PDYN: variants seen among roughly 807,000 people sequenced by gnomAD.
The protein encoded by PDYN is proenkephalin-B.
In PDYN, 5 loss-of-function variants were observed where a neutral mutation model predicts 11.4. The observed-to-expected ratio is 0.44, with a 90% CI of 0.23 to 0.92. The LOEUF is 0.92. PDYN is among the 40% of genes least tolerant of loss of function. The pLI is 0.24. For synonymous variants in PDYN, 132 were observed against 129.5 expected, an observed-to-expected ratio of 1.02 and a Z score of -0.13; for missense variants, 337 against 317.3, an observed-to-expected ratio of 1.06 and a Z score of -0.47.
chr20:1,981,734 G>A (rs1208287771), intron 3 of PDYN, among the ~76,000 whole-genome samples: 2 of 151,392 alleles, frequency 1.3e-5, no homozygotes, highest in African/African-American at 2.4e-5. Flanking sequence ...GAGACCAGCC[G>A]GGCAGACATG....
At chr20:1,992,822 A>C (rs1988509928) in intron 1 of PDYN, among the ~76,000 whole-genome samples, 179 bp from the exon 2 acceptor site, 1 of 152,184 alleles carries the variant, frequency 6.6e-6, no homozygotes, top group African/African-American at 2.4e-5. Context: ...TCAAATTAGA[A>C]AGGCAAGCCT....
upstream of PDYN, chr20:1,994,198 G>A (rs901934640): frequency 6.5e-6 from 1 of 153,800 alleles, no homozygotes; most frequent in African/African-American, 2.4e-5. Flanking sequence ...CCTTCAACTC[G>A]AACTCCCTGG....
At position 1,980,245 on chromosome 20, in the gene PDYN, T is replaced by C. The variant is rs537887207; in HGVS notation, c.*78A>G. The C allele has an allele frequency of 1.3e-5, 18 of 1,392,720 alleles. No individual in the cohort carries two copies. The African/African-American group carries it at 2.1e-4, about 16-fold the overall frequency. The allele number at this position is 1,392,720 out of a possible 1,614,324, so 86.3% of individuals were successfully genotyped here. A position where few individuals can be genotyped will look rare whatever the true frequency, so the allele number is the denominator to read the frequency against. On this transcript the variant is annotated 3_prime_UTR_variant, in exon 4 of 4. Coordinates refer to ENST00000217305, the MANE Select transcript of PDYN (RefSeq NM_024411.5). Reference sequence around the variant, plus strand: ...GCTGAGCATGGGGAAGGGGCACATATAAGAGGATGAATGAATGCACTCCAA... The same window carrying C: ...GCTGAGCATGGGGAAGGGGCACATACAAGAGGATGAATGAATGCACTCCAA...
intron 2 of PDYN, among the ~76,000 whole-genome samples, chr20:1,988,673 C>A (rs762250706): frequency 6.6e-6 from 1 of 152,204 alleles, no homozygotes; most frequent in Non-Finnish European, 1.5e-5. Flanking sequence ...CCGGAGGCCA[C>A]ACAAGGAAAA....
Position 1,982,969 on chromosome 20 carries a change from G to C in PDYN, c.116C>G (p.Pro39Arg), listed in dbSNP as rs1218502882. 1 of 1,613,932 alleles carries C rather than the reference G, an allele frequency of 6.2e-7. No individual in the cohort carries two copies. The highest frequency in any genetic ancestry group is 1.3e-5 in the African/African-American group (1 of 75,050). ...CAVKTQDGPK[P>R]INPLICSLQC... ...CCTGAAACCTACCAGGGGATTGATA[G>C]GTTTGGGACCATCCTGGGTCTTTAC... Residue 39 changes from proline (P) to arginine (R), a missense_variant, in exon 3 of 4, where the codon CCT (proline) becomes CGT (arginine). By Grantham distance (103) the Pro-to-Arg change is moderately radical. Coordinates refer to ENST00000217305, the MANE Select transcript of PDYN (RefSeq NM_024411.5).
chr20:1,990,623 A>C (rs1988391069), intron 2 of PDYN, among the ~76,000 whole-genome samples: 1 of 152,176 alleles, frequency 6.6e-6, no homozygotes, highest in Non-Finnish European at 1.5e-5. Context: ...GACCAGAGGG[A>C]AAGACGGCCT....
Position 1,987,499 on chromosome 20 carries a change from C to T in PDYN, c.-19-4396G>A, listed in dbSNP as rs180898544. ...AAGAGCCATACTGCCCATCGCCACC[C>T]GCGGAACCACCTGGGGCTTCCCTCA... On this transcript the variant is annotated intron_variant, in intron 2 of 3. Coordinates refer to ENST00000217305, the MANE Select transcript of PDYN (RefSeq NM_024411.5). 3.9e-5 allele frequency among the ~76,000 whole-genome samples: 6 copies of T among 152,322 alleles called. No homozygotes were observed. In the East Asian group the frequency reaches 5.8e-4, roughly 15 times the overall value.
At chr20:1,985,115 T>G (rs928581394) in intron 2 of PDYN, among the ~76,000 whole-genome samples, 1 of 152,106 alleles carries the variant, frequency 6.6e-6, no homozygotes, top group Non-Finnish European at 1.5e-5. Flanking sequence ...CTGTCCTCTT[T>G]TCCTCCAACT....
chr20:1,984,860 C>A (rs1378158156), intron 2 of PDYN, among the ~76,000 whole-genome samples: 1 of 152,008 alleles, frequency 6.6e-6, no homozygotes, highest in Non-Finnish European at 1.5e-5. Flanking sequence ...GATTGTGCCA[C>A]TGCACTCCAG....
intron 2 of PDYN, among the ~76,000 whole-genome samples, chr20:1,988,297 T>A (rs1988280796): frequency 6.6e-6 from 1 of 152,148 alleles, no homozygotes; most frequent in East Asian, 1.9e-4. Flanking sequence ...CCTGTCCAGA[T>A]CCCTCCGGGT....
chr20:1,984,809 G>A (rs750611609), intron 2 of PDYN, among the ~76,000 whole-genome samples: 2 of 152,128 alleles, frequency 1.3e-5, no homozygotes, highest in East Asian at 1.9e-4. Flanking sequence ...TGAGGCAGGA[G>A]AATCATTTGA....
intron 3 of PDYN, 151 bp downstream of exon 3, chr20:1,982,805 C>A (rs1387249127): frequency 4.0e-6 from 3 of 752,902 alleles, no homozygotes; most frequent in African/African-American, 3.5e-5. Context: ...GGTGTCCAGG[C>A]CATCTATAGG....
chr20:1,981,413 G>T (rs1478845103), intron 3 of PDYN, among the ~76,000 whole-genome samples: 1 of 152,146 alleles, frequency 6.6e-6, no homozygotes, highest in Non-Finnish European at 1.5e-5. Context: ...GACACAGGAG[G>T]GTTCATCAGG....
At chr20:1,990,553 A>T (rs144995125) in intron 2 of PDYN, among the ~76,000 whole-genome samples, 40 of 152,338 alleles carry the variant, frequency 2.6e-4, no homozygotes, top group African/African-American at 9.1e-4. Context: ...CCTGGCAAAG[A>T]TCAAAGCACA....
intron 3 of PDYN, among the ~76,000 whole-genome samples, chr20:1,981,511 C>T (rs1987788233): frequency 6.6e-6 from 1 of 152,166 alleles, no homozygotes. Flanking sequence ...GAATATGGAA[C>T]TTGAACCCAG....
At chr20:1,990,581 C>T (rs1012904715) in intron 2 of PDYN, among the ~76,000 whole-genome samples, 1 of 152,278 alleles carries the variant, frequency 6.6e-6, no homozygotes, top group East Asian at 1.9e-4. Context: ...ATGAGGGTCC[C>T]GTTTGGTGGT....
intron 2 of PDYN, 22 bp from the exon 3 acceptor site, chr20:1,983,125 A>G (rs1179365933): frequency 1.9e-6 from 3 of 1,602,738 alleles, no homozygotes; most frequent in Non-Finnish European, 2.6e-6. Flanking sequence ...GAAAGAGAAG[A>G]TAATGAAATC....
At chr20:1,982,057 C>T (rs1987846651) in intron 3 of PDYN, among the ~76,000 whole-genome samples, 1 of 151,332 alleles carries the variant, frequency 6.6e-6, no homozygotes, top group Non-Finnish European at 1.5e-5. Context: ...AAGAGTCTAA[C>T]ACCAGCCTGG....
chr20:1,979,954 T>C lies in PDYN; in HGVS notation c.*369A>G, dbSNP rs73894108. On this transcript the variant is annotated 3_prime_UTR_variant, in exon 4 of 4. Coordinates refer to ENST00000217305, the MANE Select transcript of PDYN (RefSeq NM_024411.5). ...TGTGATCTGTTAAGTTTGGACATCA[T>C]AGACCTACAGGTACAAAGAACACAT... The C allele has an allele frequency of 0.011, 3,711 of 351,484 alleles. 135 individuals are homozygous for C. The highest frequency in any genetic ancestry group is 0.072 in the African/African-American group (3,452 of 47,702). The allele number at this position is 351,484 out of a possible 1,614,324, so 21.8% of individuals were successfully genotyped here.
Sources: allele counts gnomAD v4.1 joint callset (sites outside exome capture counted in the v4.1 genomes callset), GRCh38; gene constraint gnomAD v4.1.1; transcripts MANE v1.5; gene names NCBI Gene and HGNC (gene_info 2026-07-23, HGNC 2026-07-21).